VPS53: variants seen among roughly 807,000 people sequenced by gnomAD.
The protein encoded by VPS53 is VPS53 subunit of GARP complex.
VPS53 carries 70 observed loss-of-function variants against 107.0 expected under a neutral mutation model. The ratio of observed to expected loss-of-function variants is 0.65; its 90% CI spans 0.54 to 0.80. The LOEUF (loss-of-function observed/expected upper bound fraction) is 0.80, where lower values mean the gene tolerates loss of function less well. VPS53 is among the 30% of genes least tolerant of loss of function. The pLI is 0.00. For missense variants in VPS53, 917 were observed against 1,049.4 expected (o/e 0.87, Z 1.74); for synonymous variants, 409 against 393.3 (o/e 1.04, Z -0.47).
At position 602,012 on chromosome 17, in the gene VPS53, A is replaced by C. The variant is rs992781790; in HGVS notation, c.1117-116T>G. On this transcript the variant is annotated intron_variant, in intron 11 of 21. Transcript: ENST00000437048. ...GGAAGTCATGCACGCTATCTGATAA[A>C]GAAGAACTGAGGCAACCCAGACCAC... The C allele has an allele frequency of 9.1e-5, 59 of 644,976 alleles. 1 individual carries two copies. The African/African-American group carries it at 1.2e-3, about 14-fold the overall frequency. The allele number at this position is 644,976 out of a possible 1,614,324, so 40.0% of individuals were successfully genotyped here.
chr17:638,399 C>T (rs1970284496), intron 7 of VPS53, among the ~76,000 whole-genome samples: 1 of 152,176 alleles, frequency 6.6e-6, no homozygotes. Context: ...TTAATTGGAG[C>T]ATTTAGCCCA....
At chr17:658,128 A>G (rs7225893) in intron 5 of VPS53, among the ~76,000 whole-genome samples, 1 of 127,992 alleles carries the variant, frequency 7.8e-6, no homozygotes, top group South Asian at 2.8e-4. Context: ...ACATCCCACT[A>G]AAGTGAGAAA....
chr17:529,384 TCA>T (rs1469887772), intron 19 of VPS53, among the ~76,000 whole-genome samples: 1 of 117,354 alleles, frequency 8.5e-6, no homozygotes, highest in African/African-American at 3.7e-5. Flanking sequence ...GCATATCAAT[TCA>T]CACACACACA....
intron 7 of VPS53, among the ~76,000 whole-genome samples, chr17:632,489 A>G (rs1049934396): frequency 2.0e-5 from 3 of 152,144 alleles, no homozygotes; most frequent in Non-Finnish European, 4.4e-5. Flanking sequence ...CAATCACCCC[A>G]AGTTATTTGT....
intron 4 of VPS53, among the ~76,000 whole-genome samples, chr17:691,721 G>T: frequency 6.6e-6 from 1 of 152,226 alleles, no homozygotes; most frequent in Non-Finnish European, 1.5e-5. Context: ...GTATATCCAT[G>T]CTGAATACAG....
chr17:561,123 A>G (rs757991382), intron 14 of VPS53, among the ~76,000 whole-genome samples: 3 of 152,168 alleles, frequency 2.0e-5, no homozygotes, highest in Non-Finnish European at 4.4e-5. Flanking sequence ...TGTTAAGAGA[A>G]GTCTGCAAGG....
chr17:578,585 C>T (rs767867378), intron 13 of VPS53, among the ~76,000 whole-genome samples: 6 of 137,562 alleles, frequency 4.4e-5, no homozygotes, highest in Non-Finnish European at 9.4e-5. Context: ...CTCAGAACCT[C>T]AGTGCGTTCC....
chr17:519,381 G>C lies in VPS53; in HGVS notation c.2329-83C>G. On this transcript the variant is annotated intron_variant, in intron 21 of 21. Transcript: ENST00000437048. This position sits in a 1 kb window ranked among gnomAD's most constrained non-coding sequence, Gnocchi z 5.0. ...GGACAGCGCAGTATCTGGATATGGG[G>C]TCAGCAGAGGCTCTGGAGACAGCAT... is the stretch of plus-strand genomic sequence containing the variant. 7.5e-7 allele frequency: 1 copy of C among 1,336,362 alleles called. No individual in the cohort carries two copies. The highest frequency in any genetic ancestry group is 9.9e-7 in the Non-Finnish European group (1 of 1,014,068). The allele number at this position is 1,336,362 out of a possible 1,614,324, so 82.8% of individuals were successfully genotyped here. A position where few individuals can be genotyped will look rare whatever the true frequency, so the allele number is the denominator to read the frequency against.
chr17:589,205 T>C (rs960781651), intron 12 of VPS53, among the ~76,000 whole-genome samples: 11 of 152,060 alleles, frequency 7.2e-5, no homozygotes, highest in Non-Finnish European at 1.3e-4. Context: ...TCAACGTGTA[T>C]ATTTTGCTTT....
At chr17:706,960 A>T (rs1314298069) in intron 2 of VPS53, among the ~76,000 whole-genome samples, 1 of 152,078 alleles carries the variant, frequency 6.6e-6, no homozygotes, top group African/African-American at 2.4e-5. Flanking sequence ...ACGGAATTTT[A>T]AAAACGTGAA....
At chr17:679,214 A>C (rs552651710) in intron 4 of VPS53, among the ~76,000 whole-genome samples, 3 of 152,082 alleles carry the variant, frequency 2.0e-5, no homozygotes, top group African/African-American at 7.2e-5. Context: ...AGAAAACATA[A>C]AATTAAGAAT....
intron 2 of VPS53, among the ~76,000 whole-genome samples, chr17:705,307 G>T (rs772913249): frequency 7.9e-5 from 12 of 151,996 alleles, no homozygotes; most frequent in Non-Finnish European, 1.6e-4. Flanking sequence ...CTTAACTTAG[G>T]GCCAGGCACA....
intron 2 of VPS53, among the ~76,000 whole-genome samples, chr17:700,116 T>C (rs1047304936): frequency 6.6e-6 from 1 of 152,232 alleles, no homozygotes; most frequent in African/African-American, 2.4e-5. Flanking sequence ...CAAATTTATT[T>C]TTTATTATAT....
intron 12 of VPS53, among the ~76,000 whole-genome samples, chr17:587,958 AG>A (rs1482202735): frequency 1.3e-5 from 2 of 152,230 alleles, no homozygotes; most frequent in African/African-American, 4.8e-5. Flanking sequence ...CCATCAAGGC[AG>A]TAAGTGTATC....
At chr17:523,828 C>G (rs1908925054) in intron 19 of VPS53, among the ~76,000 whole-genome samples, 2 of 152,146 alleles carry the variant, frequency 1.3e-5, no homozygotes, top group South Asian at 4.1e-4. Flanking sequence ...AAAGGGTATG[C>G]AAACCTCCAG....
intron 7 of VPS53, among the ~76,000 whole-genome samples, chr17:637,725 T>C (rs1207420709): frequency 6.6e-6 from 1 of 152,204 alleles, no homozygotes; most frequent in African/African-American, 2.4e-5. Context: ...AGTTGAGTGG[T>C]TTTGAGTTAG....
At chr17:523,388 C>G (rs992054286) in intron 19 of VPS53, 5 of 152,316 alleles carry the variant, frequency 3.3e-5, no homozygotes, top group Non-Finnish European at 5.9e-5. Context: ...TACTCTCTGC[C>G]ACTGCCTGCT....
intron 6 of VPS53, among the ~76,000 whole-genome samples, chr17:655,394 A>C (rs1971147030): frequency 6.6e-6 from 1 of 152,154 alleles, no homozygotes; most frequent in Admixed American, 6.5e-5. Flanking sequence ...CAACGCAAGC[A>C]GGAAACCTGC....
At chr17:526,108 T>C (rs867419469) in intron 19 of VPS53, among the ~76,000 whole-genome samples, 1 of 151,876 alleles carries the variant, frequency 6.6e-6, no homozygotes, top group South Asian at 2.1e-4. Flanking sequence ...TGTACATTAA[T>C]TAACTGGAAT....
Sources: allele counts gnomAD v4.1 joint callset (sites outside exome capture counted in the v4.1 genomes callset), GRCh38; gene constraint gnomAD v4.1.1; non-coding constraint Gnocchi (gnomAD v3.1); transcripts MANE v1.5; gene names NCBI Gene and HGNC (gene_info 2026-07-23, HGNC 2026-07-21).